Variants in MBTPS1 observed in about 807,000 individuals in gnomAD.
The protein encoded by MBTPS1 is membrane bound transcription factor peptidase, site 1.
MBTPS1 carries 94 observed loss-of-function variants against 127.8 expected under a neutral mutation model. The observed-to-expected ratio is 0.74, with a 90% confidence interval of 0.62 to 0.87. The LOEUF (loss-of-function observed/expected upper bound fraction) is 0.87. MBTPS1 is among the 40% of genes least tolerant of loss of function. The pLI, the probability that MBTPS1 is intolerant of heterozygous loss-of-function variation, is 0.00. For missense variants in MBTPS1, 1,636 were observed against 1,353.2 expected, an observed-to-expected ratio of 1.21 and a Z score of -3.28; for synonymous variants, 632 against 509.4, an observed-to-expected ratio of 1.24 and a Z score of -3.24.
intron 1 of MBTPS1, among the ~76,000 whole-genome samples, chr16:84,107,449 C>A (rs192610566): frequency 6.6e-6 from 1 of 152,228 alleles, no homozygotes; most frequent in African/African-American, 2.4e-5. Context: ...ATCTCGTGGA[C>A]TTGCTTGCGT....
At chr16:84,088,901 T>C (rs1310509274) in intron 8 of MBTPS1, among the ~76,000 whole-genome samples, 2 of 152,204 alleles carry the variant, frequency 1.3e-5, no homozygotes, top group African/African-American at 4.8e-5. Context: ...GCCAGGTCTG[T>C]GTGAGGCAGC....
At chr16:84,061,584 C>T (rs1179795870) in intron 19 of MBTPS1, 2 of 152,230 alleles carry the variant, frequency 1.3e-5, no homozygotes, top group Non-Finnish European at 2.9e-5. Context: ...TACTGACACC[C>T]CAGGGGGTGG....
chr16:84,101,497 A>C (rs1034682103), intron 2 of MBTPS1, 124 bp downstream of exon 2: 5 of 948,384 alleles, frequency 5.3e-6, no homozygotes, highest in African/African-American at 1.7e-5. Flanking sequence ...TCTCAAAAAA[A>C]AAAAAAAGAA....
Position 84,081,797 on chromosome 16 carries a change from G to A in MBTPS1, c.1398C>T (p.Leu466=), listed in dbSNP as rs192281331. The change falls in exon 11 of 23, where the codon CTC becomes CTT. Residue 466 remains leucine, a synonymous_variant. Transcript: ENST00000343411. ...VNMFEQGHGK[L]DLLRAYQILN... The stretch of plus-strand genomic sequence containing the variant: ...GGATCTGATAGGCTCTGAGCAGATC[G>A]AGCTTGCCGTGGCCTTGCTCAAACA... The A allele has an allele frequency of 4.6e-6, 7 of 1,523,536 alleles. No homozygotes were observed. The highest frequency in any genetic ancestry group is 5.0e-5 in the East Asian group (2 of 39,928). 94.4% of individuals were successfully genotyped at this position (1,523,536 alleles called of 1,614,324 possible). A position where few individuals can be genotyped will look rare whatever the true frequency, so the allele number is the denominator to read the frequency against.
intron 1 of MBTPS1, among the ~76,000 whole-genome samples, chr16:84,106,459 G>A (rs1370241383): frequency 6.6e-6 from 1 of 152,214 alleles, no homozygotes; most frequent in Non-Finnish European, 1.5e-5. Context: ...AGGGTCTGGG[G>A]AAACAGGATC....
intron 5 of MBTPS1, 39 bp from the exon 6 acceptor site, chr16:84,093,336 GA>G (rs745919509): frequency 6.8e-6 from 9 of 1,332,244 alleles, no homozygotes; most frequent in Admixed American, 1.7e-5. Flanking sequence ...AAAACACACT[GA>G]ATAGCAAGTG....
intron 17 of MBTPS1, 93 bp downstream of exon 17, chr16:84,066,396 T>A: frequency 7.5e-7 from 1 of 1,332,460 alleles, no homozygotes; most frequent in Non-Finnish European, 1.0e-6. Flanking sequence ...AACTGAGGGA[T>A]CACCATTCTC....
chr16:84,079,949 A>C (rs1352201434), intron 11 of MBTPS1, among the ~76,000 whole-genome samples: 1 of 152,218 alleles, frequency 6.6e-6, no homozygotes, highest in Non-Finnish European at 1.5e-5. Context: ...CCAGGTCTTG[A>C]TTTCTTTAGA....
chr16:84,058,579 T>C (rs2085555847), intron 21 of MBTPS1, among the ~76,000 whole-genome samples: 1 of 152,282 alleles, frequency 6.6e-6, no homozygotes, highest in Admixed American at 6.5e-5. Flanking sequence ...TCTTCTTATA[T>C]TGTCCTGTTT....
intron 1 of MBTPS1, among the ~76,000 whole-genome samples, chr16:84,104,311 T>A (rs1404138712): frequency 6.6e-6 from 1 of 152,006 alleles, no homozygotes; most frequent in Non-Finnish European, 1.5e-5. Context: ...AGAAACCTCA[T>A]CTCTACAAAA....
intron 1 of MBTPS1, among the ~76,000 whole-genome samples, chr16:84,103,701 G>C (rs754312553): frequency 6.6e-6 from 1 of 152,142 alleles, no homozygotes; most frequent in Non-Finnish European, 1.5e-5. Flanking sequence ...GCTTCTACGA[G>C]TAGAAAAACA....
intron 19 of MBTPS1, 56 bp from the exon 20 acceptor site, chr16:84,060,869 A>T (rs2085600738): frequency 6.6e-7 from 1 of 1,515,294 alleles, no homozygotes; most frequent in Non-Finnish European, 8.9e-7. Flanking sequence ...AGACAGAGTC[A>T]CGCTCTTGTC....
chr16:84,101,270 A>G (rs981804747), intron 2 of MBTPS1, among the ~76,000 whole-genome samples: 3 of 152,168 alleles, frequency 2.0e-5, no homozygotes, highest in African/African-American at 7.2e-5. Context: ...ATTGCACTCC[A>G]GCCTCAGCAA....
At chr16:84,057,702 C>T (rs1424182512) in intron 21 of MBTPS1, 3 of 152,050 alleles carry the variant, frequency 2.0e-5, no homozygotes, top group Non-Finnish European at 4.4e-5. Context: ...CTCTGGGGAC[C>T]GAGAATAATT....
intron 1 of MBTPS1, among the ~76,000 whole-genome samples, chr16:84,114,659 G>A (rs1343437943): frequency 1.3e-5 from 2 of 151,572 alleles, no homozygotes; most frequent in African/African-American, 4.8e-5. Flanking sequence ...GTAAAAACCC[G>A]TCTCTACTAA....
chr16:84,062,242 T>G (rs2085623884), intron 19 of MBTPS1, among the ~76,000 whole-genome samples: 1 of 152,114 alleles, frequency 6.6e-6, no homozygotes, highest in Non-Finnish European at 1.5e-5. Context: ...CACCTCAGCC[T>G]CCCAAGCAGC....
chr16:84,093,375 T>C (rs1327682856), intron 5 of MBTPS1, 78 bp from the exon 6 acceptor site: 5 of 930,080 alleles, frequency 5.4e-6, no homozygotes, highest in Admixed American at 3.6e-5. Context: ...AGGCCATGAG[T>C]TCCACGGCCT....
chr16:84,101,380 A>G (rs759573883), intron 2 of MBTPS1, among the ~76,000 whole-genome samples: 1 of 151,808 alleles, frequency 6.6e-6, no homozygotes, highest in Non-Finnish European at 1.5e-5. Flanking sequence ...AATCCCAGCT[A>G]CTTGGGAGGC....
intron 1 of MBTPS1, among the ~76,000 whole-genome samples, chr16:84,104,482 C>A (rs915824725): frequency 6.6e-6 from 1 of 151,976 alleles, no homozygotes; most frequent in African/African-American, 2.4e-5. Context: ...AACAAACAAA[C>A]AAACAAAAAA....
Sources: allele counts gnomAD v4.1 joint callset (sites outside exome capture counted in the v4.1 genomes callset), GRCh38; gene constraint gnomAD v4.1.1; transcripts MANE v1.5; gene names NCBI Gene and HGNC (gene_info 2026-07-23, HGNC 2026-07-21).